The following RAB3GAP2 variants were observed in gnomAD, a reference collection of about 807,000 sequenced individuals.
RAB3GAP2 encodes rab3 GTPase-activating protein non-catalytic subunit.
RAB3GAP2 carries 87 observed loss-of-function variants against 185.3 expected under a neutral mutation model. That is an observed-to-expected ratio of 0.47 (90% CI 0.39 to 0.56). The LOEUF (loss-of-function observed/expected upper bound fraction) is 0.56. RAB3GAP2 is among the 20% of genes least tolerant of loss of function. The pLI, the probability that RAB3GAP2 is intolerant of heterozygous loss-of-function variation, is 0.00. For synonymous variants in RAB3GAP2, 554 were observed against 576.1 expected, an observed-to-expected ratio of 0.96 and a Z score of 0.55; for missense variants, 1,492 against 1,638.2, an observed-to-expected ratio of 0.91 and a Z score of 1.54.
At position 220,179,329 on chromosome 1, in the gene RAB3GAP2, TAGTA is replaced by T. The variant is rs200242314; in HGVS notation, c.2310+2924_2310+2927del. Among the ~76,000 whole-genome samples, 288 of 143,802 alleles carry T rather than the reference TAGTA, an allele frequency of 2.0e-3. 3 individuals carry two copies. The highest frequency in any genetic ancestry group is 0.012 in the East Asian group (58 of 4,810). 94.3% of individuals were successfully genotyped at this position (143,802 alleles called of 152,430 possible). On this transcript the variant is annotated intron_variant, in intron 21 of 34. Coordinates refer to ENST00000358951, the MANE Select transcript of RAB3GAP2 (RefSeq NM_012414.4). ...TCAATTCAGCAAGAGGATCTAACAA[TAGTA>T]AGTATATATGCACCCAACAATGGAG...
At chr1:220,245,773 A>G (rs1172852459) in intron 1 of RAB3GAP2, among the ~76,000 whole-genome samples, 1 of 152,170 alleles carries the variant, frequency 6.6e-6, no homozygotes, top group Non-Finnish European at 1.5e-5. Flanking sequence ...TCCCTGTCTG[A>G]CAGCTTTGAA....
At position 220,167,670 on chromosome 1, in the gene RAB3GAP2, T is replaced by A. The variant is rs1339351501; in HGVS notation, c.2812A>T (p.Ile938Phe). 1.2e-6 allele frequency: 2 copies of A among 1,613,750 alleles called. No homozygotes were observed. The highest frequency in any genetic ancestry group is 3.3e-5 in the Admixed American group (2 of 60,026). ...ATCCACTTGGCTACACTGTCTGCAA[T>A]GCCACCTATAGTTTGGAGACAAGAA... is the stretch of plus-strand genomic sequence containing the variant. The part of the protein sequence containing the change: ...KKLLEGGKGG[I>F]ADSVAKWIFK... Residue 938 changes from isoleucine to phenylalanine, a missense_variant, in exon 25 of 35, where the codon ATT (isoleucine) becomes TTT (phenylalanine). Transcript: ENST00000358951.
chr1:220,212,745 G>A (rs916913846), intron 4 of RAB3GAP2, 142 bp downstream of exon 4: 1 of 721,660 alleles, frequency 1.4e-6, no homozygotes, highest in Admixed American at 2.1e-5. Context: ...TTCCTGCCTT[G>A]GCTTCCCAAA....
chr1:220,200,211 C>A (rs1658823250), intron 9 of RAB3GAP2, among the ~76,000 whole-genome samples: 1 of 152,164 alleles, frequency 6.6e-6, no homozygotes, highest in African/African-American at 2.4e-5. Flanking sequence ...TCTTCCTACA[C>A]CTCTTTCCAT....
Position 220,210,931 on chromosome 1 carries a change from C to G in RAB3GAP2, c.434+24G>C, listed in dbSNP as rs199590626. Reference sequence around the variant, plus strand: ...AACTCATAAATCAAAGCAAAGAAAACAGATGACTCTTATTTATCCTTACCT... The same window carrying G: ...AACTCATAAATCAAAGCAAAGAAAAGAGATGACTCTTATTTATCCTTACCT... On this transcript the variant is annotated intron_variant, in intron 5 of 34. Coordinates refer to ENST00000358951, the MANE Select transcript of RAB3GAP2 (RefSeq NM_012414.4). 30 of 1,613,804 alleles carry G rather than the reference C, an allele frequency of 1.9e-5. No homozygotes were observed. The South Asian group carries it at 2.9e-4, about 15-fold the overall frequency.
At chr1:220,161,764 C>T (rs1002295559) in intron 28 of RAB3GAP2, among the ~76,000 whole-genome samples, 3 of 152,046 alleles carry the variant, frequency 2.0e-5, no homozygotes, top group African/African-American at 7.2e-5. Context: ...TCAGATTACA[C>T]AACAACTTTA....
chr1:220,212,477 A>C (rs1185956966), intron 4 of RAB3GAP2, among the ~76,000 whole-genome samples: 3 of 152,028 alleles, frequency 2.0e-5, no homozygotes, highest in Admixed American at 6.6e-5. Flanking sequence ...CAAATAATGA[A>C]ATTTCTTTCT....
intron 1 of RAB3GAP2, among the ~76,000 whole-genome samples, 185 bp from the exon 2 acceptor site, chr1:220,233,048 A>G (rs554938328): frequency 2.1e-4 from 32 of 152,330 alleles, no homozygotes; most frequent in Non-Finnish European, 3.5e-4. Flanking sequence ...TATTTGACCT[A>G]CTGAATTTCT....
At chr1:220,163,606 C>T (rs1658004657) in intron 27 of RAB3GAP2, among the ~76,000 whole-genome samples, 2 of 151,314 alleles carry the variant, frequency 1.3e-5, no homozygotes, top group African/African-American at 4.8e-5. Context: ...TCGTGATCCG[C>T]CCGCCTCGGC....
At chr1:220,240,913 G>C (rs925610758) in intron 1 of RAB3GAP2, among the ~76,000 whole-genome samples, 5 of 152,022 alleles carry the variant, frequency 3.3e-5, no homozygotes, top group African/African-American at 1.2e-4. Flanking sequence ...AATGTAAAAT[G>C]TAACCACAAT....
chr1:220,235,609 A>C (rs1659576247), intron 1 of RAB3GAP2, among the ~76,000 whole-genome samples: 1 of 152,238 alleles, frequency 6.6e-6, no homozygotes, highest in South Asian at 2.1e-4. Flanking sequence ...GGAAATATAA[A>C]AGCAAATAAG....
chr1:220,252,638 G>C (rs1049147792), intron 1 of RAB3GAP2, among the ~76,000 whole-genome samples: 3 of 152,222 alleles, frequency 2.0e-5, no homozygotes, highest in Non-Finnish European at 4.4e-5. Flanking sequence ...GAAGCAGTGA[G>C]TAATTGTGCT....
At chr1:220,230,239 C>T (rs889567687) in intron 2 of RAB3GAP2, among the ~76,000 whole-genome samples, 1 of 152,128 alleles carries the variant, frequency 6.6e-6, no homozygotes, top group Non-Finnish European at 1.5e-5. Context: ...AATCCACAGA[C>T]TCAGTAAAAT....
At chr1:220,221,614 T>A (rs1174968596) in intron 2 of RAB3GAP2, among the ~76,000 whole-genome samples, 1 of 152,220 alleles carries the variant, frequency 6.6e-6, no homozygotes, top group Non-Finnish European at 1.5e-5. Flanking sequence ...TTCAAGAATT[T>A]TTTTTGAATT....
chr1:220,205,666 T>C (rs756054517), intron 8 of RAB3GAP2, among the ~76,000 whole-genome samples: 4 of 152,182 alleles, frequency 2.6e-5, no homozygotes, highest in Non-Finnish European at 2.9e-5. Flanking sequence ...AAGCCCGGTG[T>C]TCCTGTGCTG....
At chr1:220,202,473 C>T in intron 8 of RAB3GAP2, 99 bp from the exon 9 acceptor site, 1 of 1,254,710 alleles carries the variant, frequency 8.0e-7, no homozygotes, top group Non-Finnish European at 1.1e-6. Flanking sequence ...TCTAAAATTT[C>T]AGCTAATAAT....
At chr1:220,211,788 C>T (rs895313180) in intron 4 of RAB3GAP2, among the ~76,000 whole-genome samples, 15 of 152,262 alleles carry the variant, frequency 9.9e-5, no homozygotes, top group African/African-American at 3.4e-4. Context: ...AATTCATCTT[C>T]GTGTTTGTTC....
chr1:220,164,874 C>T, intron 26 of RAB3GAP2, 75 bp from the exon 27 acceptor site: 1 of 1,387,266 alleles, frequency 7.2e-7, no homozygotes, highest in East Asian at 2.4e-5. Context: ...TCAATGGAGA[C>T]TTCTTACATA....
Position 220,153,347 on chromosome 1 carries a change from T to G in RAB3GAP2, c.3705A>C (p.Lys1235Asn). ...TGGGTGTGGCCTCTTCTGTGGGATC[T>G]TTGACCTTTGTGGCTGAATGTTGGG... ...VQAQHSATKV[K>N]DPTEEATPTP... Residue 1235 changes from lysine (K) to asparagine (N), a missense_variant, in exon 33 of 35, where the codon AAA becomes AAC. Coordinates refer to ENST00000358951, the MANE Select transcript of RAB3GAP2 (RefSeq NM_012414.4). 6.2e-7 allele frequency: 1 copy of G among 1,614,206 alleles called. No individual in the cohort carries two copies.
Sources: gnomAD v4.1 joint callset for allele counts (sites outside exome capture counted in the v4.1 genomes callset) on GRCh38, gnomAD v4.1.1 for gene constraint, MANE v1.5 for transcripts, NCBI Gene and HGNC (gene_info 2026-07-23, HGNC 2026-07-21) for gene names.